Variants in EEF1E1 observed in about 807,000 individuals in gnomAD.
The protein encoded by EEF1E1 is eukaryotic translation elongation factor 1 epsilon 1.
Under a neutral mutation model 19.9 loss-of-function variants are expected in EEF1E1, and 19 were observed. The ratio of observed to expected loss-of-function variants is 0.95; its 90% confidence interval spans 0.66 to 1.40. The LOEUF (loss-of-function observed/expected upper bound fraction) is 1.40, where lower values mean the gene tolerates loss of function less well. EEF1E1 is among the 40% of genes most tolerant of loss of function. EEF1E1 has a pLI of 0.00. For missense variants in EEF1E1, 198 were observed against 202.2 expected (o/e 0.98, Z 0.13); for synonymous variants, 81 against 80.0 (o/e 1.01, Z -0.07).
At chr6:8,081,869 T>C (rs1757731385) in intron 3 of EEF1E1, among the ~76,000 whole-genome samples, 1 of 152,242 alleles carries the variant, frequency 6.6e-6, no homozygotes, top group African/African-American at 2.4e-5. Flanking sequence ...ATGATTCAAA[T>C]CTGACCTCTT....
downstream of EEF1E1, chr6:8,078,735 A>C: frequency 7.8e-7 from 1 of 1,285,338 alleles, no homozygotes; most frequent in South Asian, 1.2e-5. Flanking sequence ...AACAATCATG[A>C]TTTGCCTGGA....
At chr6:8,079,204 T>C (rs1323118278), downstream of EEF1E1, among the ~76,000 whole-genome samples, 1 of 152,328 alleles carries the variant, frequency 6.6e-6, no homozygotes, top group East Asian at 1.9e-4. Flanking sequence ...ATCTCTTTTT[T>C]ATTTTCCTCC....
chr6:8,084,972 G>T (rs559722039), intron 3 of EEF1E1, among the ~76,000 whole-genome samples: 1 of 152,138 alleles, frequency 6.6e-6, no homozygotes, highest in East Asian at 1.9e-4. Flanking sequence ...TTTTAAATTC[G>T]AAAAGCTACT....
At chr6:8,088,490 T>C (rs768437872) in intron 3 of EEF1E1, among the ~76,000 whole-genome samples, 6 of 152,150 alleles carry the variant, frequency 3.9e-5, no homozygotes, top group African/African-American at 7.2e-5. Context: ...AGTGAATAAG[T>C]CTCATGAGAT....
At chr6:8,089,809 G>A (rs894438538) in intron 3 of EEF1E1, 1 of 229,108 alleles carries the variant, frequency 4.4e-6, no homozygotes, top group African/African-American at 2.2e-5. Flanking sequence ...TGGGGCCCAG[G>A]GGATGATGAC....
intron 1 of EEF1E1, chr6:8,102,110 T>C (rs1412798022): frequency 2.4e-6 from 3 of 1,269,922 alleles, no homozygotes; most frequent in Non-Finnish European, 3.0e-6. Context: ...AGCCAGTTAC[T>C]GAATACATTC....
downstream of EEF1E1, among the ~76,000 whole-genome samples, chr6:8,077,581 A>G (rs1312383070): frequency 6.6e-6 from 1 of 152,096 alleles, no homozygotes; most frequent in African/African-American, 2.4e-5. Context: ...TCATGAACCA[A>G]TCTCTGCTGG....
At chr6:8,079,384 C>G, downstream of EEF1E1, 3 of 987,434 alleles carry the variant, frequency 3.0e-6, no homozygotes, top group Non-Finnish European at 3.6e-6. Flanking sequence ...AAGAAAGAAA[C>G]AACGAAAAAA....
At chr6:8,098,794 T>C (rs1431253936) in intron 1 of EEF1E1, among the ~76,000 whole-genome samples, 2 of 152,318 alleles carry the variant, frequency 1.3e-5, no homozygotes, top group South Asian at 2.1e-4. Context: ...ACTGAATGTA[T>C]GGTATATTTT....
chr6:8,099,909 T>C lies in EEF1E1; in HGVS notation c.88-2442A>G, dbSNP rs115876930. Among the ~76,000 whole-genome samples the C allele has an allele frequency of 1.7e-3, 256 of 152,348 alleles. 2 individuals are homozygous for C. The highest frequency in any genetic ancestry group is 5.9e-3 in the African/African-American group (247 of 41,582). The stretch of plus-strand genomic sequence containing the variant: ...GTGACTGTATGTCAATGTGTTGATG[T>C]ACCATAATTTAAAGAATCAATATCC... On this transcript the variant is annotated intron_variant, in intron 1 of 3. Coordinates refer to ENST00000379715, the MANE Select transcript of EEF1E1 (RefSeq NM_004280.5).
intron 1 of EEF1E1, among the ~76,000 whole-genome samples, chr6:8,101,467 C>T (rs1758363319): frequency 6.6e-6 from 1 of 151,174 alleles, no homozygotes; most frequent in African/African-American, 2.4e-5. Flanking sequence ...GCCTACTCTG[C>T]CACCAATCAC....
At position 8,086,336 on chromosome 6, in the gene EEF1E1, A is replaced by T. The variant is rs141415588; in HGVS notation, c.384+3850T>A. The stretch of plus-strand genomic sequence containing the variant: ...TTACAATCCCTGTCTTCTCTCTTCA[A>T]CCTCAACTGAAAACCCATACTCAAG... On this transcript the variant is annotated intron_variant, in intron 3 of 3. Transcript: ENST00000379715. Among the ~76,000 whole-genome samples, 19 of 152,228 alleles carry T rather than the reference A, an allele frequency of 1.2e-4. 1 individual carries two copies. The highest frequency in any genetic ancestry group is 4.6e-4 in the African/African-American group (19 of 41,540).
intron 1 of EEF1E1, among the ~76,000 whole-genome samples, chr6:8,098,939 C>A (rs1005023899): frequency 4.6e-5 from 7 of 152,198 alleles, no homozygotes; most frequent in African/African-American, 1.4e-4. Context: ...GTTACGTTCT[C>A]ATCTAATCAT....
At chr6:8,087,686 T>C (rs1489603364) in intron 3 of EEF1E1, among the ~76,000 whole-genome samples, 1 of 152,150 alleles carries the variant, frequency 6.6e-6, no homozygotes, top group Non-Finnish European at 1.5e-5. Context: ...AAAGACACGG[T>C]CATGAGAAAG....
intron 2 of EEF1E1, among the ~76,000 whole-genome samples, chr6:8,093,324 C>CTTTTTT (rs57000456): frequency 3.0e-5 from 4 of 135,048 alleles, no homozygotes; most frequent in Non-Finnish European, 4.7e-5. Flanking sequence ...CATTCGCTTC[C>CTTTTTT]TTTTTTTTTT....
intron 1 of EEF1E1, among the ~76,000 whole-genome samples, chr6:8,098,414 G>A (rs374496478): frequency 1.9e-4 from 29 of 152,202 alleles, no homozygotes; most frequent in East Asian, 5.8e-4. Flanking sequence ...CACCGCGCCC[G>A]GCCGAAATAC....
chr6:8,091,608 A>C (rs1758012872), intron 2 of EEF1E1, among the ~76,000 whole-genome samples: 1 of 152,196 alleles, frequency 6.6e-6, no homozygotes, highest in Non-Finnish European at 1.5e-5. Context: ...GAATACGTCA[A>C]TTTCCTGAGA....
rs374358133 is a variant in EEF1E1 at position 8,097,235 on chromosome 6, T to C, written c.288+32A>G. ...AAAGAGATTTCTGATTAACAGTTCATGCATTTCAGCCTATAAGAGAAGTCA... is the reference window on the plus strand; with the variant it reads ...AAAGAGATTTCTGATTAACAGTTCACGCATTTCAGCCTATAAGAGAAGTCA... On this transcript the variant is annotated intron_variant, in intron 2 of 3. Transcript: ENST00000379715. 1.0e-5 allele frequency: 16 copies of C among 1,595,778 alleles called. No individual in the cohort carries two copies. The African/African-American group carries it at 1.3e-4, about 13-fold the overall frequency.
chr6:8,097,154 A>C (rs1330240994), intron 2 of EEF1E1, 113 bp downstream of exon 2: 2 of 1,014,400 alleles, frequency 2.0e-6, no homozygotes, highest in South Asian at 1.4e-5. Context: ...CAAACTACTG[A>C]GGCAGAAGGA....
Sources: allele counts gnomAD v4.1 joint callset (sites outside exome capture counted in the v4.1 genomes callset), GRCh38; gene constraint gnomAD v4.1.1; transcripts MANE v1.5; gene names NCBI Gene and HGNC (gene_info 2026-07-23, HGNC 2026-07-21).